Variants in MGAT4C observed in about 807,000 individuals in gnomAD.
The protein encoded by MGAT4C is MGAT4 family member C.
In MGAT4C, 19 loss-of-function variants were observed where a neutral mutation model predicts 40.1. The observed-to-expected ratio is 0.47, with a 90% CI of 0.33 to 0.70. MGAT4C has a LOEUF of 0.70. Among genes scored for constraint, MGAT4C ranks in the 30% least tolerant of loss-of-function variants. MGAT4C has a pLI of 0.02. For missense variants in MGAT4C, 491 were observed against 563.2 expected (o/e 0.87, Z 1.30); for synonymous variants, 181 against 187.1 (o/e 0.97, Z 0.27).
chr12:86,092,500 A>T (rs1316095626), intron 1 of MGAT4C, among the ~76,000 whole-genome samples: 1 of 152,138 alleles, frequency 6.6e-6, no homozygotes, highest in Non-Finnish European at 1.5e-5. Flanking sequence ...AAAACACTAA[A>T]AAAAGACGCT....
intron 1 of MGAT4C, among the ~76,000 whole-genome samples, chr12:86,069,160 TA>T (rs1894842488): frequency 1.4e-5 from 2 of 142,068 alleles, no homozygotes; most frequent in Admixed American, 7.1e-5. Flanking sequence ...TGTCATTTTG[TA>T]CCTTCAGTTT....
At position 86,034,322 on chromosome 12, in the gene MGAT4C, G is replaced by C. The variant is rs923547695; in HGVS notation, c.-7+15352C>G. 4.7e-5 allele frequency among the ~76,000 whole-genome samples: 7 copies of C among 149,592 alleles called. 1 individual carries two copies. Among genetic ancestry groups the C allele is most frequent in the African/African-American group, 7.3e-5 (3 of 41,228 alleles). ...CAAATTTTTGGAATAGTTTCAGAAG[G>C]AATAGTACCCACTCTTCTTTATACA... On this transcript the variant is annotated intron_variant, in intron 2 of 4. Coordinates refer to ENST00000611864, the MANE Select transcript of MGAT4C (RefSeq NM_001351288.2).
At chr12:86,779,481 A>T (rs1192440637) in intron 1 of MGAT4C, among the ~76,000 whole-genome samples, 2 of 152,112 alleles carry the variant, frequency 1.3e-5, no homozygotes, top group Admixed American at 6.5e-5. Flanking sequence ...GTACGCCTGT[A>T]GTCCCAGATA....
intron 1 of MGAT4C, among the ~76,000 whole-genome samples, chr12:86,093,965 T>C (rs1337889756): frequency 6.6e-6 from 1 of 152,224 alleles, no homozygotes; most frequent in East Asian, 1.9e-4. Context: ...ATTAGTTTAC[T>C]TTTATGTCTT....
intron 2 of MGAT4C, among the ~76,000 whole-genome samples, chr12:86,708,658 C>G (rs775712723): frequency 1.4e-4 from 21 of 152,164 alleles, no homozygotes; most frequent in African/African-American, 9.7e-5. Flanking sequence ...TGAAGCTGCC[C>G]AAGACCATGG....
chr12:86,387,865 A>T (rs1956084977), intron 3 of MGAT4C, among the ~76,000 whole-genome samples: 1 of 152,172 alleles, frequency 6.6e-6, no homozygotes, highest in African/African-American at 2.4e-5. Context: ...GACCTTAGCT[A>T]ATCATAATTT....
intron 1 of MGAT4C, among the ~76,000 whole-genome samples, chr12:86,220,521 A>T (rs1302663807): frequency 6.6e-6 from 1 of 152,196 alleles, no homozygotes; most frequent in East Asian, 1.9e-4. Context: ...CCTTAATTGT[A>T]AGTAGCCTTC....
At chr12:86,137,866 G>A (rs1395854684) in intron 1 of MGAT4C, among the ~76,000 whole-genome samples, 3 of 152,078 alleles carry the variant, frequency 2.0e-5, no homozygotes, top group Non-Finnish European at 4.4e-5. Flanking sequence ...AGCTGACTTC[G>A]GCAAATACCC....
At chr12:86,010,916 G>T (rs1277210530) in intron 2 of MGAT4C, among the ~76,000 whole-genome samples, 5 of 152,098 alleles carry the variant, frequency 3.3e-5, no homozygotes, top group African/African-American at 1.2e-4. Context: ...TGACTCTCTT[G>T]TGTCTTTTTA....
At chr12:85,991,459 ACCCACC>A (rs1175679186) in intron 2 of MGAT4C, among the ~76,000 whole-genome samples, 1 of 151,234 alleles carries the variant, frequency 6.6e-6, no homozygotes, top group African/African-American at 2.4e-5. Context: ...TTCACTGGGG[ACCCACC>A]CCCTTCCCCC....
chr12:86,442,329 G>A (rs7303427), intron 2 of MGAT4C, among the ~76,000 whole-genome samples: 97,475 of 151,942 alleles, frequency 0.64, 31,917 homozygotes, highest in South Asian at 0.77. Flanking sequence ...CTTTTGCTGT[G>A]CAGAAGCTCT....
rs1320656163 is a variant in MGAT4C, at chr12:86,771,579, G to T, written c.-261-44338C>A. Among the ~76,000 whole-genome samples the T allele has an allele frequency of 3.3e-5, 5 of 152,194 alleles. No homozygotes were observed. The South Asian group carries it at 1.0e-3, about 32-fold the overall frequency. On this transcript the variant is annotated intron_variant, in intron 1 of 7. Coordinates refer to the MGAT4C transcript ENST00000548651. ...GAATGTAAGTAAGGATGGGCATGGT[G>T]GTTGATGCCTGTAATCCCAGACTTT...
chr12:86,795,080 C>T (rs1389372012), intron 1 of MGAT4C, among the ~76,000 whole-genome samples: 2 of 151,848 alleles, frequency 1.3e-5, no homozygotes, highest in African/African-American at 4.8e-5. Context: ...GCATGTTTAA[C>T]AGCATTTAAT....
chr12:86,427,428 TTAA>T (rs1376095501), intron 3 of MGAT4C, among the ~76,000 whole-genome samples: 1 of 151,954 alleles, frequency 6.6e-6, no homozygotes, highest in Non-Finnish European at 1.5e-5. Flanking sequence ...AAAGGAAAAG[TTAA>T]TAATATCATG....
At chr12:86,442,562 T>G (rs562835441) in intron 2 of MGAT4C, among the ~76,000 whole-genome samples, 1 of 152,138 alleles carries the variant, frequency 6.6e-6, no homozygotes, top group African/African-American at 2.4e-5. Flanking sequence ...TTTCTACATA[T>G]GGCTAGCCAG....
chr12:86,693,680 T>C (rs1213884295), intron 2 of MGAT4C, among the ~76,000 whole-genome samples: 2 of 152,296 alleles, frequency 1.3e-5, no homozygotes, highest in Admixed American at 6.5e-5. Flanking sequence ...ATTAAAGAAA[T>C]ATAATTAGTT....
At chr12:86,291,576 C>T (rs967896186) in intron 4 of MGAT4C, among the ~76,000 whole-genome samples, 2 of 152,082 alleles carry the variant, frequency 1.3e-5, no homozygotes, top group Admixed American at 6.5e-5. Flanking sequence ...CTTCTATTCT[C>T]GTGTTTTCCA....
At chr12:86,327,541 T>A (rs1954555280) in intron 4 of MGAT4C, among the ~76,000 whole-genome samples, 1 of 152,086 alleles carries the variant, frequency 6.6e-6, no homozygotes, top group Non-Finnish European at 1.5e-5. Context: ...ACCAAGAACA[T>A]CACATCTACT....
chr12:86,714,115 C>T (rs1950602803), intron 2 of MGAT4C, among the ~76,000 whole-genome samples: 1 of 152,060 alleles, frequency 6.6e-6, no homozygotes, highest in African/African-American at 2.4e-5. Context: ...GATAGGCATC[C>T]ATTGAATGGA....
Sources: allele counts gnomAD v4.1 joint callset (sites outside exome capture counted in the v4.1 genomes callset), GRCh38; gene constraint gnomAD v4.1.1; transcripts MANE v1.5; gene names NCBI Gene and HGNC (gene_info 2026-07-23, HGNC 2026-07-21).